Variants in PACRG observed in about 807,000 individuals in gnomAD.
The protein encoded by PACRG is parkin coregulated, also known as parkin coregulated gene protein.
Under a neutral mutation model 29.7 loss-of-function variants are expected in PACRG, and 29 were observed. The observed-to-expected ratio is 0.98, with a 90% CI of 0.73 to 1.33. PACRG has a LOEUF of 1.33. Among genes scored for constraint, PACRG ranks in the 40% most tolerant of loss-of-function variants. The pLI is 0.00. For synonymous variants in PACRG, 116 were observed against 118.7 expected (o/e 0.98, Z 0.15); for missense variants, 279 against 316.2 (o/e 0.88, Z 0.89).
intron 2 of PACRG, among the ~76,000 whole-genome samples, chr6:162,984,820 G>T (rs181971560): frequency 1.4e-5 from 2 of 147,704 alleles, no homozygotes; most frequent in East Asian, 4.0e-4. Flanking sequence ...TTTGAGAATT[G>T]TCTATTCATG....
chr6:162,849,047 A>G (rs934281605), intron 2 of PACRG, among the ~76,000 whole-genome samples: 6 of 152,206 alleles, frequency 3.9e-5, no homozygotes, highest in South Asian at 2.1e-4. Flanking sequence ...CCAGAGAAAC[A>G]CAAGAGAAGG....
At chr6:162,754,258 A>G (rs142461900) in intron 1 of PACRG, among the ~76,000 whole-genome samples, 8 of 152,088 alleles carry the variant, frequency 5.3e-5, no homozygotes, top group Middle Eastern at 3.2e-3. Context: ...TTTTTCATAT[A>G]CTTGTCAGCC....
chr6:163,140,553 A>C (rs927983427), intron 4 of PACRG, among the ~76,000 whole-genome samples: 5 of 152,244 alleles, frequency 3.3e-5, no homozygotes, highest in Non-Finnish European at 7.3e-5. Context: ...TAGCTGGGAA[A>C]GAGAGAGCAA....
intron 2 of PACRG, among the ~76,000 whole-genome samples, chr6:162,901,567 CACTT>C (rs935198205): frequency 6.6e-6 from 1 of 152,158 alleles, no homozygotes; most frequent in Non-Finnish European, 1.5e-5. Context: ...GTAAGCTAAA[CACTT>C]ACAGTTTTTA....
chr6:163,248,628 A>C (rs942440412), intron 4 of PACRG, among the ~76,000 whole-genome samples: 7 of 152,158 alleles, frequency 4.6e-5, no homozygotes, highest in African/African-American at 1.2e-4. Flanking sequence ...AGAATTCCCA[A>C]TTTCCAACAG....
At chr6:163,096,994 C>G (rs1274192787) in intron 4 of PACRG, among the ~76,000 whole-genome samples, 1 of 152,216 alleles carries the variant, frequency 6.6e-6, no homozygotes, top group East Asian at 1.9e-4. Flanking sequence ...CCCAGACAAA[C>G]TTTCACTGCT....
intron 3 of PACRG, among the ~76,000 whole-genome samples, chr6:163,085,204 A>G (rs1012123818): frequency 4.6e-5 from 7 of 152,196 alleles, no homozygotes; most frequent in African/African-American, 1.7e-4. Context: ...GCTCAGTCAT[A>G]CATTTCTTTT....
chr6:163,007,239 A>G (rs1805200668), intron 2 of PACRG, among the ~76,000 whole-genome samples: 2 of 152,086 alleles, frequency 1.3e-5, no homozygotes, highest in South Asian at 4.2e-4. Context: ...TATAGCTTTT[A>G]CTTCTATATA....
chr6:162,929,764 G>A (rs1464769926), intron 2 of PACRG, among the ~76,000 whole-genome samples: 1 of 151,956 alleles, frequency 6.6e-6, no homozygotes, highest in Non-Finnish European at 1.5e-5. Flanking sequence ...TAGATGGTGA[G>A]AGGTAGGGGT....
At chr6:163,086,916 TC>T (rs1026436403) in intron 3 of PACRG, among the ~76,000 whole-genome samples, 2 of 152,108 alleles carry the variant, frequency 1.3e-5, no homozygotes, top group African/African-American at 2.4e-5. Context: ...TTCATCCCTT[TC>T]AGCAACAAAC....
rs759599477 is a variant in PACRG at position 162,958,787 on chromosome 6, TAC to T, written c.292-103355_292-103354del. On this transcript the variant is annotated intron_variant, in intron 2 of 4. Coordinates refer to ENST00000366888, the MANE Select transcript of PACRG (RefSeq NM_001080379.2). ...ATACACATACACATAAATATACATA[TAC>T]ACACACATATATATAGCATATAGAG... Among the ~76,000 whole-genome samples, 8 of 147,166 alleles carry T rather than the reference TAC, an allele frequency of 5.4e-5. No individual in the cohort carries two copies. The East Asian group carries it at 9.9e-4, about 18-fold the overall frequency.
At chr6:162,776,850 G>A (rs1783681880) in intron 1 of PACRG, among the ~76,000 whole-genome samples, 1 of 152,112 alleles carries the variant, frequency 6.6e-6, no homozygotes, top group African/African-American at 2.4e-5. Flanking sequence ...ATTCTCCTGT[G>A]TCTCCCTAAG....
chr6:163,153,171 T>C (rs911772290), intron 4 of PACRG, among the ~76,000 whole-genome samples: 4 of 152,242 alleles, frequency 2.6e-5, no homozygotes, highest in Admixed American at 2.0e-4. Context: ...AATCTTCAGA[T>C]TGAAACTTAT....
chr6:163,285,165 T>C (rs1784354038), intron 4 of PACRG, among the ~76,000 whole-genome samples: 1 of 151,394 alleles, frequency 6.6e-6, no homozygotes, highest in South Asian at 2.1e-4. Flanking sequence ...TTGTCCAGCC[T>C]CCCCCAGACA....
intron 2 of PACRG, among the ~76,000 whole-genome samples, chr6:162,892,973 C>T (rs911612347): frequency 2.0e-5 from 3 of 149,912 alleles, no homozygotes; most frequent in African/African-American, 2.5e-5. Context: ...TCAAGAGCCT[C>T]GGCCCACACC....
chr6:162,823,755 C>T (rs533299713), intron 2 of PACRG, among the ~76,000 whole-genome samples: 25 of 152,186 alleles, frequency 1.6e-4, no homozygotes, highest in African/African-American at 5.3e-4. Context: ...CCTCGTGATC[C>T]GCCTGCCTAG....
At position 162,951,826 on chromosome 6, in the gene PACRG, T is replaced by C. The variant is rs558402875; in HGVS notation, c.292-110324T>C. Among the ~76,000 whole-genome samples the C allele has an allele frequency of 5.3e-5, 8 of 152,360 alleles. No homozygotes were observed. The South Asian group carries it at 1.7e-3, about 32-fold the overall frequency. On this transcript the variant is annotated intron_variant, in intron 2 of 4. Coordinates refer to ENST00000366888, the MANE Select transcript of PACRG (RefSeq NM_001080379.2). ...AAAAGGGCCAGTCTGTTCAGTTTTT[T>C]GCTCTCGTTGTAGTCTTACTGGGGA... is the stretch of plus-strand genomic sequence containing the variant.
chr6:163,262,868 C>A (rs963484900), intron 4 of PACRG, among the ~76,000 whole-genome samples: 10 of 112,420 alleles, frequency 8.9e-5, no homozygotes, highest in African/African-American at 3.6e-4. Flanking sequence ...ATAGTGAGAC[C>A]CCCCCCCCCA....
chr6:162,960,530 C>G (rs1011227680), intron 2 of PACRG, among the ~76,000 whole-genome samples: 1 of 152,150 alleles, frequency 6.6e-6, no homozygotes, highest in African/African-American at 2.4e-5. Flanking sequence ...TGCACATTCT[C>G]TTTTATAAGT....
Sources: gnomAD v4.1 joint callset for allele counts (sites outside exome capture counted in the v4.1 genomes callset) on GRCh38, gnomAD v4.1.1 for gene constraint, MANE v1.5 for transcripts, NCBI Gene and HGNC (gene_info 2026-07-23, HGNC 2026-07-21) for gene names.